Variants in GABRG3 observed in about 807,000 individuals in gnomAD.
The protein encoded by GABRG3 is gamma-aminobutyric acid receptor subunit gamma-3.
Under a neutral mutation model 48.8 loss-of-function variants are expected in GABRG3, and 25 were observed. That is an observed-to-expected ratio of 0.51 (90% CI 0.37 to 0.72). The LOEUF (loss-of-function observed/expected upper bound fraction) is 0.72. GABRG3 is among the 30% of genes least tolerant of loss of function. GABRG3 has a pLI of 0.00. For missense variants in GABRG3, 394 were observed against 577.9 expected (o/e 0.68, Z 3.26); for synonymous variants, 227 against 217.6 (o/e 1.04, Z -0.38).
intron 3 of GABRG3, among the ~76,000 whole-genome samples, chr15:27,268,835 G>A (rs931922758): frequency 6.6e-6 from 1 of 152,086 alleles, no homozygotes; most frequent in Non-Finnish European, 1.5e-5. Flanking sequence ...ACCTCAAGGA[G>A]TCCTCTTGGC....
At chr15:27,228,683 C>T (rs980109060) in intron 3 of GABRG3, among the ~76,000 whole-genome samples, 1 of 152,188 alleles carries the variant, frequency 6.6e-6, no homozygotes, top group Non-Finnish European at 1.5e-5. Context: ...CTCCCACCAA[C>T]AGTGTATAAG....
chr15:27,173,875 GT>G (rs1887655108), intron 3 of GABRG3, among the ~76,000 whole-genome samples: 1 of 151,984 alleles, frequency 6.6e-6, no homozygotes, highest in African/African-American at 2.4e-5. Flanking sequence ...GAGTGAGACT[GT>G]CTCTGAAAAT....
chr15:27,470,725 T>G (rs547963091), intron 5 of GABRG3, among the ~76,000 whole-genome samples: 1 of 152,270 alleles, frequency 6.6e-6, no homozygotes, highest in East Asian at 1.9e-4. Context: ...TTTGCCATTT[T>G]TACTTTTCTT....
At chr15:27,277,154 A>G (rs1891283094) in intron 3 of GABRG3, among the ~76,000 whole-genome samples, 1 of 152,258 alleles carries the variant, frequency 6.6e-6, no homozygotes, top group Non-Finnish European at 1.5e-5. Context: ...GGGCAGGTCC[A>G]TGTATAGGCT....
At chr15:27,446,455 C>T (rs1466673802) in intron 5 of GABRG3, among the ~76,000 whole-genome samples, 1 of 152,100 alleles carries the variant, frequency 6.6e-6, no homozygotes, top group Non-Finnish European at 1.5e-5. Flanking sequence ...TCTTATCTTG[C>T]TGTTTTCAGC....
At chr15:27,052,310 G>A (rs922564914) in intron 3 of GABRG3, among the ~76,000 whole-genome samples, 5 of 152,148 alleles carry the variant, frequency 3.3e-5, no homozygotes, top group African/African-American at 7.2e-5. Context: ...TGTCACTCCC[G>A]TGCCGCAAAT....
chr15:27,373,715 T>C (rs1302563407), intron 5 of GABRG3, among the ~76,000 whole-genome samples: 1 of 152,232 alleles, frequency 6.6e-6, no homozygotes, highest in African/African-American at 2.4e-5. Flanking sequence ...TGCTGTTTGT[T>C]TTTGTTAACC....
intron 5 of GABRG3, among the ~76,000 whole-genome samples, chr15:27,386,709 G>A (rs9672543): frequency 0.4 from 60,666 of 152,042 alleles, 12,317 homozygotes; most frequent in East Asian, 0.49. Context: ...CCCTGGCTAA[G>A]ATGCTACAGA....
chr15:27,094,014 G>T (rs1224693851), intron 3 of GABRG3, among the ~76,000 whole-genome samples: 1 of 152,188 alleles, frequency 6.6e-6, no homozygotes, highest in Non-Finnish European at 1.5e-5. Context: ...TCTGACACCT[G>T]ATGTTGGTTT....
chr15:27,058,945 T>C (rs1896599888), intron 3 of GABRG3, among the ~76,000 whole-genome samples: 1 of 152,216 alleles, frequency 6.6e-6, no homozygotes, highest in South Asian at 2.1e-4. Context: ...TATACACAAA[T>C]GAACTTTGAA....
rs1449862501 is a variant in GABRG3, at chr15:27,527,993, G to A, written c.1122+1G>A. ...GCGAATAAGCCTACAAGCCCCTTCC[G>A]TACGTATAGCATTGCAGGTGCCAAT... On this transcript the variant is annotated splice_donor_variant, in intron 9 of 9. Transcript: ENST00000615808. LOFTEE classifies it high-confidence loss of function. The A allele has an allele frequency of 5.6e-6, 9 of 1,592,994 alleles. No individual in the cohort carries two copies. Among genetic ancestry groups the A allele is most frequent in the South Asian group, 1.1e-5 (1 of 87,710 alleles).
At chr15:27,063,539 C>T (rs1158166226) in intron 3 of GABRG3, among the ~76,000 whole-genome samples, 1 of 152,202 alleles carries the variant, frequency 6.6e-6, no homozygotes, top group Non-Finnish European at 1.5e-5. Flanking sequence ...TCTGCCCTGA[C>T]CATGTGATGC....
intron 3 of GABRG3, among the ~76,000 whole-genome samples, chr15:27,285,851 CCTTA>C (rs1310052420): frequency 2.0e-5 from 3 of 152,188 alleles, no homozygotes; most frequent in Non-Finnish European, 2.9e-5. Flanking sequence ...CAGACCTCCA[CCTTA>C]CTTCTGCTCA....
At chr15:27,496,513 CA>C (rs1438994646) in intron 6 of GABRG3, among the ~76,000 whole-genome samples, 1 of 152,112 alleles carries the variant, frequency 6.6e-6, no homozygotes, top group Non-Finnish European at 1.5e-5. Flanking sequence ...TTATGTGATG[CA>C]AAAAGACAAC....
chr15:27,182,328 C>T (rs765183441), intron 3 of GABRG3, among the ~76,000 whole-genome samples: 11 of 152,080 alleles, frequency 7.2e-5, no homozygotes, highest in Non-Finnish European at 1.3e-4. Context: ...CGAATGTGTA[C>T]GGTATTTATT....
chr15:27,486,227 A>T lies in GABRG3; in HGVS notation c.712+5440A>T, dbSNP rs1198147483. On this transcript the variant is annotated intron_variant, in intron 6 of 9. Transcript: ENST00000615808. The stretch of plus-strand genomic sequence containing the variant: ...ACGTCAGAGGAAGAGATCAAGGAAG[A>T]AGCCTGGGGCTCCAGATTAATTGCA... Among the ~76,000 whole-genome samples, 4 of 152,118 alleles carry T rather than the reference A, an allele frequency of 2.6e-5. No homozygotes were observed. The East Asian group carries it at 7.7e-4, about 29-fold the overall frequency.
chr15:27,496,495 A>T (rs1380378178), intron 6 of GABRG3, among the ~76,000 whole-genome samples: 2 of 152,184 alleles, frequency 1.3e-5, no homozygotes, highest in Non-Finnish European at 2.9e-5. Flanking sequence ...TTCAGCCCCT[A>T]TTCTGGGTTA....
chr15:27,067,672 T>C (rs1433196325), intron 3 of GABRG3, among the ~76,000 whole-genome samples: 4 of 152,162 alleles, frequency 2.6e-5, no homozygotes, highest in Admixed American at 2.6e-4. Flanking sequence ...CAGGCCCCGA[T>C]TTTGGGGAGG....
chr15:27,046,081 CTTTTTCTTT>C (rs376398988), intron 3 of GABRG3, among the ~76,000 whole-genome samples: 1 of 152,072 alleles, frequency 6.6e-6, no homozygotes, highest in African/African-American at 2.4e-5. Context: ...TTACATACTT[CTTTTTCTTT>C]TTTTTCTTTT....
Sources: allele counts gnomAD v4.1 joint callset (sites outside exome capture counted in the v4.1 genomes callset), GRCh38; gene constraint gnomAD v4.1.1; transcripts MANE v1.5; gene names NCBI Gene and HGNC (gene_info 2026-07-23, HGNC 2026-07-21).